The following SCAMP1 variants were observed in gnomAD, a reference collection of about 807,000 sequenced individuals.
SCAMP1 encodes the protein secretory carrier-associated membrane protein 1.
A neutral mutation model predicts 41.8 loss-of-function variants in SCAMP1; 15 were observed. The ratio of observed to expected loss-of-function variants is 0.36; its 90% confidence interval spans 0.24 to 0.55. The LOEUF (loss-of-function observed/expected upper bound fraction) is 0.55, where lower values mean the gene tolerates loss of function less well. SCAMP1 is among the 20% of genes least tolerant of loss of function. SCAMP1 has a pLI of 0.86. For synonymous variants in SCAMP1, 135 were observed against 136.8 expected (o/e 0.99, Z 0.09); for missense variants, 341 against 412.6 (o/e 0.83, Z 1.50).
At chr5:78,387,362 C>T (rs377598925) in intron 1 of SCAMP1, among the ~76,000 whole-genome samples, 21 of 135,570 alleles carry the variant, frequency 1.5e-4, no homozygotes, top group Non-Finnish European at 2.8e-4. Context: ...TATCCTGTAT[C>T]TTTTTTTTTT....
chr5:78,370,035 T>A (rs1331179569), intron 1 of SCAMP1, among the ~76,000 whole-genome samples: 1 of 152,264 alleles, frequency 6.6e-6, no homozygotes, highest in Non-Finnish European at 1.5e-5. Flanking sequence ...AGAAGGGATG[T>A]GCCATGTCAT....
chr5:78,412,293 A>G (rs547107577), intron 2 of SCAMP1, among the ~76,000 whole-genome samples: 420 of 152,052 alleles, frequency 2.8e-3, no homozygotes, highest in Non-Finnish European at 4.4e-3. Context: ...GAATGTTTAG[A>G]ATGACTTTTC....
At chr5:78,428,672 T>G (rs553619441) in intron 6 of SCAMP1, among the ~76,000 whole-genome samples, 3 of 152,260 alleles carry the variant, frequency 2.0e-5, no homozygotes, top group South Asian at 4.1e-4. Flanking sequence ...TGCTGTGATT[T>G]TGATAGGGAT....
intron 6 of SCAMP1, among the ~76,000 whole-genome samples, chr5:78,439,808 G>T (rs1752870960): frequency 6.6e-6 from 1 of 152,136 alleles, no homozygotes; most frequent in South Asian, 2.1e-4. Flanking sequence ...CCTTTAGAGT[G>T]TTATACAACT....
chr5:78,433,836 T>C (rs778873770), intron 6 of SCAMP1, among the ~76,000 whole-genome samples: 9 of 152,280 alleles, frequency 5.9e-5, no homozygotes, highest in African/African-American at 1.4e-4. Context: ...CCTGTGTCTC[T>C]GGAGTGGAGA....
intron 2 of SCAMP1, among the ~76,000 whole-genome samples, chr5:78,404,275 C>T (rs888578360): frequency 6.6e-6 from 1 of 151,874 alleles, no homozygotes; most frequent in Non-Finnish European, 1.5e-5. Flanking sequence ...CCTTGACCTC[C>T]CAGGTGGATG....
At chr5:78,419,461 G>T (rs1752287579) in intron 5 of SCAMP1, among the ~76,000 whole-genome samples, 1 of 152,078 alleles carries the variant, frequency 6.6e-6, no homozygotes, top group South Asian at 2.1e-4. Flanking sequence ...ATACGTTTGG[G>T]GCTCTGATGC....
intron 2 of SCAMP1, among the ~76,000 whole-genome samples, chr5:78,411,154 T>A (rs1158143335): frequency 6.6e-6 from 1 of 152,232 alleles, no homozygotes; most frequent in Non-Finnish European, 1.5e-5. Flanking sequence ...AGATCTCATT[T>A]GTCAATTTTT....
chr5:78,392,018 GGAGA>G (rs1227387259), intron 2 of SCAMP1, among the ~76,000 whole-genome samples: 7 of 117,090 alleles, frequency 6.0e-5, no homozygotes, highest in Admixed American at 2.1e-4. Flanking sequence ...AGAGGGAGAG[GGAGA>G]GAGAGGGAGA....
rs778389151 is a variant in SCAMP1 at position 78,388,929 on chromosome 5, G to T, written c.135+15G>T. ...ATTCTAGAACAGTAAGATTATTCTTGCTTTTAAATGTTTAAATTGAAATTC... is the reference window on the plus strand; with the variant it reads ...ATTCTAGAACAGTAAGATTATTCTTTCTTTTAAATGTTTAAATTGAAATTC... On this transcript the variant is annotated intron_variant, in intron 2 of 8. Coordinates refer to ENST00000621999, the MANE Select transcript of SCAMP1 (RefSeq NM_004866.6). The T allele has an allele frequency of 2.9e-5, 37 of 1,286,050 alleles. No individual in the cohort carries two copies. The highest frequency in any genetic ancestry group is 1.2e-4 in the Admixed American group (5 of 43,128). The allele number at this position is 1,286,050 out of a possible 1,614,324, so 79.7% of individuals were successfully genotyped here.
At chr5:78,400,263 T>C (rs1257700794) in intron 2 of SCAMP1, among the ~76,000 whole-genome samples, 1 of 152,240 alleles carries the variant, frequency 6.6e-6, no homozygotes, top group Non-Finnish European at 1.5e-5. Context: ...ACTGTATGGA[T>C]TACTGTTACT....
Position 78,478,641 on chromosome 5 carries a change from T to G in SCAMP1, c.*2973T>G, listed in dbSNP as rs989129930. 2.6e-5 allele frequency: 4 copies of G among 152,204 alleles called. No homozygotes were observed. The allele number at this position is 152,204 out of a possible 1,614,324, so 9.4% of individuals were successfully genotyped here. On this transcript the variant is annotated 3_prime_UTR_variant, in exon 9 of 9. Transcript: ENST00000621999. ...AATGGGTGTCTCTGTACTAGTATTG[T>G]ATTTATTCAATTGAACTTGTATTCT...
intron 6 of SCAMP1, among the ~76,000 whole-genome samples, chr5:78,436,346 T>C (rs1010466679): frequency 6.6e-6 from 1 of 152,258 alleles, no homozygotes; most frequent in African/African-American, 2.4e-5. Flanking sequence ...CTAGGGTTTT[T>C]ATAATTTTAG....
intron 6 of SCAMP1, among the ~76,000 whole-genome samples, chr5:78,432,633 A>G (rs1752651600): frequency 6.6e-6 from 1 of 151,296 alleles, no homozygotes; most frequent in Admixed American, 6.6e-5. Context: ...TGTCTTTAAT[A>G]TTTTTTCTGT....
chr5:78,475,773 G>A lies in SCAMP1; in HGVS notation c.*105G>A, dbSNP rs1215616577. ...CAAAACACACAGTACAGACAGCATG[G>A]ATATTTCCTGTTCACTTGTGCATGG... On this transcript the variant is annotated 3_prime_UTR_variant, in exon 9 of 9. Transcript: ENST00000621999. 1 of 847,040 alleles carries A rather than the reference G, an allele frequency of 1.2e-6. No individual in the cohort carries two copies. Among genetic ancestry groups the A allele is most frequent in the Non-Finnish European group, 1.6e-6 (1 of 618,826 alleles). The allele number at this position is 847,040 out of a possible 1,614,324, so 52.5% of individuals were successfully genotyped here. A position where few individuals can be genotyped will look rare whatever the true frequency, so the allele number is the denominator to read the frequency against.
chr5:78,422,971 C>G (rs1752374040), intron 6 of SCAMP1, among the ~76,000 whole-genome samples: 1 of 151,836 alleles, frequency 6.6e-6, no homozygotes, highest in African/African-American at 2.4e-5. Flanking sequence ...CCATTGCAAC[C>G]TAAAATCTCT....
chr5:78,466,808 C>T (rs555934420), intron 8 of SCAMP1, among the ~76,000 whole-genome samples: 2 of 152,064 alleles, frequency 1.3e-5, no homozygotes, highest in Non-Finnish European at 2.9e-5. Flanking sequence ...GCCGAGCAGT[C>T]GTACTTGGAA....
intron 6 of SCAMP1, among the ~76,000 whole-genome samples, chr5:78,438,464 G>GT (rs1752823840): frequency 6.6e-6 from 1 of 152,058 alleles, no homozygotes. Flanking sequence ...CCTTCATTTC[G>GT]TTTTTTACCC....
chr5:78,441,037 C>T (rs112484260), intron 6 of SCAMP1, among the ~76,000 whole-genome samples: 1 of 152,188 alleles, frequency 6.6e-6, no homozygotes, highest in South Asian at 2.1e-4. Flanking sequence ...CCTGGTGTGC[C>T]GTTTGCTAAG....
Sources: gnomAD v4.1 joint callset for allele counts (sites outside exome capture counted in the v4.1 genomes callset) on GRCh38, gnomAD v4.1.1 for gene constraint, MANE v1.5 for transcripts, NCBI Gene and HGNC (gene_info 2026-07-23, HGNC 2026-07-21) for gene names.